ABCB10: variants seen among roughly 807,000 people sequenced by gnomAD.
ABCB10 encodes the protein ATP binding cassette subfamily B member 10.
Under a neutral mutation model 65.4 loss-of-function variants are expected in ABCB10, and 54 were observed. The ratio of observed to expected loss-of-function variants is 0.83; its 90% confidence interval spans 0.66 to 1.04. The LOEUF is 1.04. Ranked by LOEUF, ABCB10 falls within the 50% of genes least tolerant of loss-of-function variation. ABCB10 has a pLI of 0.00. For synonymous variants in ABCB10, 418 were observed against 406.5 expected (o/e 1.03, Z -0.34); for missense variants, 846 against 976.6 (o/e 0.87, Z 1.78).
intron 11 of ABCB10, among the ~76,000 whole-genome samples, chr1:229,519,946 C>G (rs528356829): frequency 6.6e-6 from 1 of 151,358 alleles, no homozygotes; most frequent in African/African-American, 2.4e-5. Context: ...GGCAAAATAG[C>G]AAGACCCCAT....
At chr1:229,554,277 G>C (rs2102712125) in intron 1 of ABCB10, among the ~76,000 whole-genome samples, 1 of 152,286 alleles carries the variant, frequency 6.6e-6, no homozygotes, top group South Asian at 2.1e-4. Context: ...AGGGAGTAGA[G>C]GAAGAAGCCA....
At chr1:229,533,274 C>T (rs370263396) in intron 6 of ABCB10, among the ~76,000 whole-genome samples, 6 of 152,230 alleles carry the variant, frequency 3.9e-5, no homozygotes, top group African/African-American at 1.4e-4. Context: ...CAGGTGCCCC[C>T]CACCATGCCT....
chr1:229,529,115 C>T (rs1402816058), intron 8 of ABCB10, among the ~76,000 whole-genome samples: 1 of 149,434 alleles, frequency 6.7e-6, no homozygotes, highest in Non-Finnish European at 1.5e-5. Context: ...CACGGTGAAA[C>T]CCCATCTCTA....
intron 4 of ABCB10, 24 bp from the exon 5 acceptor site, chr1:229,540,776 CAGG>C: frequency 1.2e-6 from 2 of 1,603,256 alleles, no homozygotes; most frequent in Non-Finnish European, 1.7e-6. Flanking sequence ...AAATACATTT[CAGG>C]AGGAGAAGGG....
At position 229,549,447 on chromosome 1, in the gene ABCB10, A is replaced by G; in HGVS notation, c.518-13T>C. On this transcript the variant is annotated splice_polypyrimidine_tract_variant and intron_variant, in intron 1 of 12. Transcript: ENST00000344517. ...AATCCAACCGCAGCTAGAAAACACA[A>G]GCACTCTCAATGTTCAGGTTGCTTC... The G allele has an allele frequency of 6.2e-7, 1 of 1,609,960 alleles. No individual in the cohort carries two copies. Among genetic ancestry groups the G allele is most frequent in the East Asian group, 2.2e-5 (1 of 44,764 alleles).
chr1:229,544,412 C>G (rs1662919840), intron 3 of ABCB10, among the ~76,000 whole-genome samples: 1 of 80,222 alleles, frequency 1.2e-5, no homozygotes, highest in Non-Finnish European at 2.2e-5. Context: ...GTGAGACCTT[C>G]TCTCAAAAAA....
At chr1:229,552,275 T>G (rs1663135580) in intron 1 of ABCB10, among the ~76,000 whole-genome samples, 1 of 152,254 alleles carries the variant, frequency 6.6e-6, no homozygotes, top group Non-Finnish European at 1.5e-5. Context: ...CTTCTGATAT[T>G]AATGAATACT....
intron 1 of ABCB10, among the ~76,000 whole-genome samples, chr1:229,552,704 C>T (rs1336258336): frequency 6.6e-6 from 1 of 152,182 alleles, no homozygotes; most frequent in Non-Finnish European, 1.5e-5. Flanking sequence ...CATTCAAGGA[C>T]TCAAAGGCAG....
At chr1:229,540,394 G>C (rs348328) in intron 5 of ABCB10, among the ~76,000 whole-genome samples, 2 of 152,184 alleles carry the variant, frequency 1.3e-5, no homozygotes, top group Non-Finnish European at 2.9e-5. Context: ...ATCAGTGCCC[G>C]ATCACACCAT....
At chr1:229,527,338 C>T (rs377627077) in intron 8 of ABCB10, 30 bp from the exon 9 acceptor site, 28 of 1,582,880 alleles carry the variant, frequency 1.8e-5, no homozygotes, top group Non-Finnish European at 2.2e-5. Context: ...AGGAAAGAGT[C>T]ACTGAGTGTG....
intron 8 of ABCB10, 116 bp downstream of exon 8, chr1:229,530,083 A>G: frequency 9.6e-7 from 1 of 1,046,062 alleles, no homozygotes; most frequent in Non-Finnish European, 1.4e-6. Context: ...GGCACTTAGA[A>G]AAGAAGGTAC....
chr1:229,525,421 G>A (rs936285662), intron 10 of ABCB10, among the ~76,000 whole-genome samples: 2 of 152,120 alleles, frequency 1.3e-5, no homozygotes, highest in Non-Finnish European at 2.9e-5. Context: ...AGAATTTTTG[G>A]AACACATATG....
At chr1:229,526,404 G>T (rs192703510) in intron 9 of ABCB10, among the ~76,000 whole-genome samples, 3 of 152,174 alleles carry the variant, frequency 2.0e-5, no homozygotes, top group Admixed American at 6.5e-5. Context: ...TTCCACTCAG[G>T]ACAAAGCGGG....
At chr1:229,523,257 T>A (rs2102683053) in intron 10 of ABCB10, among the ~76,000 whole-genome samples, 1 of 152,284 alleles carries the variant, frequency 6.6e-6, no homozygotes, top group Non-Finnish European at 1.5e-5. Context: ...CCATCCTCCC[T>A]CCTTTCCTCC....
At position 229,558,391 on chromosome 1, in the gene ABCB10, G is replaced by C; in HGVS notation, c.262C>G (p.Arg88Gly). 4.8e-6 allele frequency: 6 copies of C among 1,237,500 alleles called. No individual in the cohort carries two copies. Among genetic ancestry groups the C allele is most frequent in the Non-Finnish European group, 6.1e-6 (6 of 983,694 alleles). The allele number at this position is 1,237,500 out of a possible 1,614,324, so 76.7% of individuals were successfully genotyped here. ...GASRGVLGLA[R>G]LLGLWARGPG... The stretch of plus-strand genomic sequence containing the variant: ...CCGCGAGCCCACAGCCCCAGGAGCC[G>C]CGCGAGGCCCAGGACGCCCCGCGAG... The change falls in exon 1 of 13, where the codon CGG (arginine) becomes GGG (glycine). Residue 88 changes from arginine (R) to glycine (G), a missense_variant. Physicochemically the swap from Arg to Gly is moderately radical, Grantham distance 125 (BLOSUM62 -2). Transcript: ENST00000344517.
At chr1:229,538,413 T>C (rs1452873946) in intron 6 of ABCB10, among the ~76,000 whole-genome samples, 1 of 152,010 alleles carries the variant, frequency 6.6e-6, no homozygotes, top group African/African-American at 2.4e-5. Context: ...GGTAGTCCAC[T>C]TGAAGGAGGA....
rs1004493820 is a variant in ABCB10 at position 229,558,624 on chromosome 1, C to A, written c.29G>T (p.Arg10Leu). 12 of 1,409,662 alleles carry A rather than the reference C, an allele frequency of 8.5e-6. No homozygotes were observed. In the Admixed American group the frequency reaches 2.0e-4, roughly 23 times the overall value. The allele number at this position is 1,409,662 out of a possible 1,614,324, so 87.3% of individuals were successfully genotyped here. A position where few individuals can be genotyped will look rare whatever the true frequency, so the allele number is the denominator to read the frequency against. The change falls in exon 1 of 13, where the codon CGG (arginine) becomes CTG (leucine). Residue 10 changes from arginine to leucine, a missense_variant. Physicochemically the swap from Arg to Leu is moderately radical, Grantham distance 102. Coordinates refer to ENST00000344517, the MANE Select transcript of ABCB10 (RefSeq NM_012089.3). MRGPPAWPL[R>L]LLEPPSPAEP... The stretch of plus-strand genomic sequence containing the variant: ...GGCAGGGCTCGGTGGCTCGAGCAGC[C>A]GCAGCGGCCAGGCAGGGGGGCCTCG...
chr1:229,536,542 G>C (rs746832935), intron 6 of ABCB10, among the ~76,000 whole-genome samples: 1 of 152,086 alleles, frequency 6.6e-6, no homozygotes, highest in African/African-American at 2.4e-5. Context: ...TAAAGGTAAA[G>C]AGTCAAAAGT....
chr1:229,538,650 T>C (rs939548144), intron 6 of ABCB10, among the ~76,000 whole-genome samples: 8 of 152,056 alleles, frequency 5.3e-5, no homozygotes, highest in African/African-American at 1.9e-4. Flanking sequence ...TCTCTGAAAA[T>C]CTCATTCCAG....
Sources: allele counts gnomAD v4.1 joint callset (sites outside exome capture counted in the v4.1 genomes callset), GRCh38; gene constraint gnomAD v4.1.1; transcripts MANE v1.5; gene names NCBI Gene and HGNC (gene_info 2026-07-23, HGNC 2026-07-21).